The following MARF1 variants were observed in gnomAD, a reference collection of about 807,000 sequenced individuals.
MARF1 encodes meiosis regulator and mRNA stability factor 1.
In MARF1, 24 loss-of-function variants were observed where a neutral mutation model predicts 168.2. The observed-to-expected ratio is 0.14, with a 90% CI of 0.10 to 0.20. The LOEUF (loss-of-function observed/expected upper bound fraction) is 0.20, where lower values mean the gene tolerates loss of function less well. Ranked by LOEUF, MARF1 falls within the 10% of genes least tolerant of loss-of-function variation. The pLI is 1.00. For synonymous variants in MARF1, 868 were observed against 822.4 expected, an observed-to-expected ratio of 1.06 and a Z score of -0.95; for missense variants, 1,744 against 2,143.6, an observed-to-expected ratio of 0.81 and a Z score of 3.68.
At chr16:15,641,055 C>T (rs2035917170) in intron 1 of MARF1, among the ~76,000 whole-genome samples, 1 of 152,202 alleles carries the variant, frequency 6.6e-6, no homozygotes, top group Non-Finnish European at 1.5e-5. Flanking sequence ...TATTGTGCCA[C>T]TGGCCCTTCA....
At chr16:15,634,684 A>T in intron 4 of MARF1, 73 bp downstream of exon 4, 2 of 1,420,844 alleles carry the variant, frequency 1.4e-6, no homozygotes, top group Non-Finnish European at 1.9e-6. Context: ...TTCAAAGGTG[A>T]TTAAATGCAA....
intron 15 of MARF1, among the ~76,000 whole-genome samples, chr16:15,616,552 G>A (rs951320457): frequency 6.6e-6 from 1 of 152,182 alleles, no homozygotes; most frequent in Non-Finnish European, 1.5e-5. Context: ...TCTTGTTGAA[G>A]TACTGAGTGA....
At chr16:15,602,241 G>T in intron 22 of MARF1, 38 bp from the exon 23 acceptor site, 2 of 1,555,476 alleles carry the variant, frequency 1.3e-6, no homozygotes, top group South Asian at 1.1e-5. Flanking sequence ...AAATATTAGT[G>T]ACTGGCCCTG....
At chr16:15,624,122 G>A (rs117419048) in intron 10 of MARF1, among the ~76,000 whole-genome samples, 2,989 of 151,658 alleles carry the variant, frequency 0.02, 56 homozygotes, top group Non-Finnish European at 0.034. Context: ...CGTGTTAGCC[G>A]GTTAGCCAGG....
intron 2 of MARF1, among the ~76,000 whole-genome samples, chr16:15,638,879 G>A (rs192205104): frequency 1.3e-5 from 2 of 152,262 alleles, no homozygotes; most frequent in East Asian, 3.9e-4. Flanking sequence ...AAATATTCAA[G>A]GCATCTACTG....
rs2035549558 is a variant in MARF1 at position 15,635,751 on chromosome 16, G to A, written c.736C>T (p.Leu246=). 1 of 1,614,122 alleles carries A rather than the reference G, an allele frequency of 6.2e-7. No individual in the cohort carries two copies. Among genetic ancestry groups the A allele is most frequent in the Non-Finnish European group, 8.5e-7 (1 of 1,180,058 alleles). Residue 246 remains leucine, a synonymous_variant, in exon 3 of 27, where the codon CTA becomes TTA. Coordinates refer to ENST00000396368, the MANE Select transcript of MARF1 (RefSeq NM_014647.4). ...GAGTTGGTGCACAAGTGAGGCGTTA[G>A]CTCCGACTGTGAAATGTGCTCTTCC... is the stretch of plus-strand genomic sequence containing the variant. ...HLEEHISQSE[L]TPHLCTNSLH...
intron 1 of MARF1, among the ~76,000 whole-genome samples, 176 bp downstream of exon 1, chr16:15,642,842 A>G (rs905177476): frequency 6.6e-6 from 1 of 152,186 alleles, no homozygotes; most frequent in Non-Finnish European, 1.5e-5. Flanking sequence ...AAGGGAGACA[A>G]GCCAACTCTT....
intron 1 of MARF1, among the ~76,000 whole-genome samples, chr16:15,641,244 G>C (rs1326683540): frequency 6.6e-6 from 1 of 152,186 alleles, no homozygotes; most frequent in South Asian, 2.1e-4. Context: ...CAACCAAAAT[G>C]CTCCCTACTC....
chr16:15,609,691 C>T lies in MARF1; in HGVS notation c.3786G>A (p.Gln1262=), dbSNP rs773358242. 8 of 1,614,126 alleles carry T rather than the reference C, an allele frequency of 5.0e-6. No individual in the cohort carries two copies. In the South Asian group the frequency reaches 5.5e-5, roughly 11 times the overall value. The change falls in exon 20 of 27, where the codon CAG becomes CAA. Residue 1262 remains glutamine, a synonymous_variant. Coordinates refer to ENST00000396368, the MANE Select transcript of MARF1 (RefSeq NM_014647.4). The part of the protein sequence containing the change: ...RTQDEIERTK[Q]FSKDVVDLLR... ...GCAAATCAACGACATCCTTGGAGAACTGTTTTGTCCTTTCTATTTCATCCT... is the reference window on the plus strand; with the variant it reads ...GCAAATCAACGACATCCTTGGAGAATTGTTTTGTCCTTTCTATTTCATCCT...
intron 17 of MARF1, 51 bp from the exon 18 acceptor site, chr16:15,611,785 C>A (rs1278526328): frequency 2.0e-6 from 3 of 1,514,214 alleles, no homozygotes; most frequent in Non-Finnish European, 1.8e-6. Flanking sequence ...CAGACAGCGA[C>A]TTCCTTGCTG....
At position 15,631,473 on chromosome 16, in the gene MARF1, G is replaced by A. The variant is rs746179575; in HGVS notation, c.1259C>T (p.Thr420Ile). 4 of 1,612,900 alleles carry A rather than the reference G, an allele frequency of 2.5e-6. No homozygotes were observed. In the South Asian group the frequency reaches 3.3e-5, roughly 13 times the overall value. Reference protein sequence around the residue: ...CQVTVAHINATAKNAADDKLR... With the variant: ...CQVTVAHINAIAKNAADDKLR... ...TTTATCATCAGCGGCATTCTTTGCAGTAGCATTGATGTGGGCAACGGTTAC... is the reference window on the plus strand; with the variant it reads ...TTTATCATCAGCGGCATTCTTTGCAATAGCATTGATGTGGGCAACGGTTAC... Residue 420 changes from threonine (T) to isoleucine (I), a missense_variant, in exon 6 of 27, where the codon ACT (threonine) becomes ATT (isoleucine). This residue lies in a region of MARF1 where 217 missense variants were observed against 372.4 expected (regional missense o/e 0.58). Transcript: ENST00000396368.
Position 15,620,482 on chromosome 16 carries a change from G to A in MARF1, c.2689C>T (p.Leu897=), listed in dbSNP as rs2034377450. ...TCATAGATATCTGTAAATTTAAACAGAGGCAGGCAACAGGCAGGGGCATCC... is the reference window on the plus strand; with the variant it reads ...TCATAGATATCTGTAAATTTAAACAAAGGCAGGCAACAGGCAGGGGCATCC... The part of the protein sequence containing the change: ...LQDAPACCLP[L]FKFTDIYEKK... The change falls in exon 13 of 27, where the codon CTG becomes TTG. Residue 897 remains leucine, a synonymous_variant. Coordinates refer to ENST00000396368, the MANE Select transcript of MARF1 (RefSeq NM_014647.4). 1 of 1,612,920 alleles carries A rather than the reference G, an allele frequency of 6.2e-7. No individual in the cohort carries two copies. Among genetic ancestry groups the A allele is most frequent in the Non-Finnish European group, 8.5e-7 (1 of 1,179,398 alleles).
At chr16:15,612,959 T>C (rs930775247) in intron 16 of MARF1, among the ~76,000 whole-genome samples, 182 bp from the exon 17 acceptor site, 2 of 152,180 alleles carry the variant, frequency 1.3e-5, no homozygotes, top group African/African-American at 4.8e-5. Context: ...ACTAGCTAAC[T>C]AACTTATTCA....
At position 15,639,283 on chromosome 16, in the gene MARF1, T is replaced by C; in HGVS notation, c.-50A>G. The C allele has an allele frequency of 6.4e-7, 1 of 1,574,596 alleles. No homozygotes were observed. The highest frequency in any genetic ancestry group is 8.6e-7 in the Non-Finnish European group (1 of 1,158,552). On this transcript the variant is annotated 5_prime_UTR_variant, in exon 2 of 27. Transcript: ENST00000396368. ...TCCTTTCATCTTTCTTTTCTTTCAT[T>C]CTTCCACCCTGTTAAGAATGAGTAA...
intron 22 of MARF1, among the ~76,000 whole-genome samples, chr16:15,603,211 G>A (rs2032681467): frequency 1.3e-5 from 2 of 152,094 alleles, no homozygotes; most frequent in African/African-American, 2.4e-5. Context: ...TTAAATTGCT[G>A]GAGCTCATTT....
chr16:15,617,649 A>C, intron 13 of MARF1, 114 bp from the exon 14 acceptor site: 4 of 724,414 alleles, frequency 5.5e-6, no homozygotes, highest in South Asian at 5.3e-5. Flanking sequence ...CCATCTCTTC[A>C]AAGGTAAAAC....
Position 15,623,085 on chromosome 16 carries a change from A to C in MARF1, c.2309T>G (p.Leu770Arg), listed in dbSNP as rs975265255. 6.2e-7 allele frequency: 1 copy of C among 1,609,256 alleles called. No homozygotes were observed. Among genetic ancestry groups the C allele is most frequent in the African/African-American group, 1.3e-5 (1 of 74,862 alleles). The change falls in exon 11 of 27, where the codon CTT (leucine) becomes CGT (arginine). Residue 770 changes from leucine (L) to arginine (R), a missense_variant. By Grantham distance (102) the Leu-to-Arg change is moderately radical (BLOSUM62 -2). Coordinates refer to ENST00000396368, the MANE Select transcript of MARF1 (RefSeq NM_014647.4). The part of the protein sequence containing the change: ...SPNLLNRASP[L>R]AFNIANSSSE... The stretch of plus-strand genomic sequence containing the variant: ...GCTCGAATTTGCAATGTTGAAAGCA[A>C]GCGGGGATGCTCTGTTTAAAAGGTT...
intron 6 of MARF1, among the ~76,000 whole-genome samples, chr16:15,630,743 G>A (rs1340551757): frequency 2.0e-5 from 3 of 151,900 alleles, no homozygotes; most frequent in African/African-American, 7.3e-5. Context: ...AATATGTTGG[G>A]GAGACTCAAA....
At chr16:15,614,361 T>C (rs2033863238) in intron 16 of MARF1, among the ~76,000 whole-genome samples, 1 of 147,420 alleles carries the variant, frequency 6.8e-6, no homozygotes, top group Admixed American at 6.9e-5. Flanking sequence ...CAGGCGTCTG[T>C]AGTCCCAGCT....
Sources: allele counts gnomAD v4.1 joint callset (sites outside exome capture counted in the v4.1 genomes callset), GRCh38; gene constraint gnomAD v4.1.1; regional missense constraint gnomAD v4.1.1; transcripts MANE v1.5; gene names NCBI Gene and HGNC (gene_info 2026-07-23, HGNC 2026-07-21).